GPRIN1: variants seen among roughly 807,000 people sequenced by gnomAD.
The protein encoded by GPRIN1 is G protein-regulated inducer of neurite outgrowth 1.
GPRIN1 carries 4 observed loss-of-function variants against 2.8 expected under a neutral mutation model. The ratio of observed to expected loss-of-function variants is 1.45; its 90% CI spans 0.71 to 3.32. The LOEUF is 3.32. Among genes scored for constraint, GPRIN1 ranks in the 30% most tolerant of loss-of-function variants. The pLI, the probability that GPRIN1 is intolerant of heterozygous loss-of-function variation, is 0.01. For missense variants in GPRIN1, 1,322 were observed against 1,343.4 expected (o/e 0.98, Z 0.25); for synonymous variants, 589 against 589.9 (o/e 1.00, Z 0.02).
rs1430242517 is a variant in GPRIN1 at position 176,598,426 on chromosome 5, C to T, written c.1409G>A (p.Gly470Glu). 1.2e-6 allele frequency: 2 copies of T among 1,614,084 alleles called. No homozygotes were observed. The highest frequency in any genetic ancestry group is 1.1e-5 in the South Asian group (1 of 91,078). Residue 470 changes from glycine (G) to glutamate (E), a missense_variant, in exon 2 of 2, where the codon GGA becomes GAA. Gly to Glu is a moderately conservative substitution (Grantham distance 98, BLOSUM62 -2). Around this residue, in one of 3 missense-constraint regions of GPRIN1, gnomAD observed 1,117 missense variants for 1,128.6 expected, o/e 0.99. Transcript: ENST00000303991. Reference protein sequence around the residue: ...SSRREDPISAGSRKTSSEKVN... With the variant: ...SSRREDPISAESRKTSSEKVN... ...TTTTTCAGATGATGTCTTTCTACTT[C>T]CAGCAGATATGGGGTCCTCCCTTCT...
chr5:176,599,204 G>T lies in GPRIN1; in HGVS notation c.631C>A (p.Leu211Ile), dbSNP rs1198013561. Residue 211 changes from leucine to isoleucine, a missense_variant, in exon 2 of 2, where the codon CTT becomes ATT. Transcript: ENST00000303991. ...GGATCTACTTTTCCCAGGGATCCAAGATCTTCCTTTCTTACAGTCATGGGA... is the reference window on the plus strand; with the variant it reads ...GGATCTACTTTTCCCAGGGATCCAATATCTTCCTTTCTTACAGTCATGGGA... ...MDPMTVRKED[L>I]GSLGKVDPLC... 1 of 1,613,910 alleles carries T rather than the reference G, an allele frequency of 6.2e-7. No homozygotes were observed. Among genetic ancestry groups the T allele is most frequent in the Non-Finnish European group, 8.5e-7 (1 of 1,179,994 alleles).
intron 1 of GPRIN1, 44 bp from the exon 2 acceptor site, chr5:176,599,921 G>A (rs756591674): frequency 1.9e-5 from 24 of 1,243,938 alleles, no homozygotes; most frequent in Non-Finnish European, 2.4e-5. Flanking sequence ...AAAGCTCAGT[G>A]GGGGAGGAGA....
intron 1 of GPRIN1, among the ~76,000 whole-genome samples, 196 bp from the exon 2 acceptor site, chr5:176,600,073 T>C (rs1308426715): frequency 2.6e-5 from 4 of 152,186 alleles, no homozygotes; most frequent in Admixed American, 2.0e-4. Flanking sequence ...AAAGACGTCT[T>C]ACAAGGCATT....
Position 176,596,780 on chromosome 5 carries a change from A to C in GPRIN1, c.*28T>G. The C allele has an allele frequency of 7.1e-7, 1 of 1,409,508 alleles. No homozygotes were observed. The highest frequency in any genetic ancestry group is 9.2e-7 in the Non-Finnish European group (1 of 1,082,114). 87.3% of individuals were successfully genotyped at this position (1,409,508 alleles called of 1,614,324 possible). A position where few individuals can be genotyped will look rare whatever the true frequency, so the allele number is the denominator to read the frequency against. ...CAAGAAGGGAGCCTGAGAAGGTCGG[A>C]AACTCGGGCGTACAAAATGGGGGCA... On this transcript the variant is annotated 3_prime_UTR_variant, in exon 2 of 2. Transcript: ENST00000303991. This position sits in a 1 kb window ranked among gnomAD's most constrained non-coding sequence, Gnocchi z 5.2.
rs778896897 is a variant in GPRIN1 at position 176,597,604 on chromosome 5, C to T, written c.2231G>A (p.Ser744Asn). Reference sequence around the variant, plus strand: ...GGCCTTCGGCTCCACGCGGCCTTCACTGCCCCTGGCACCCTCGGGAGACCG... The same window carrying T: ...GGCCTTCGGCTCCACGCGGCCTTCATTGCCCCTGGCACCCTCGGGAGACCG... ...SARSPEGARGSEGRVEPKAEP... is the reference protein window; with the variant it reads ...SARSPEGARGNEGRVEPKAEP... The change falls in exon 2 of 2, where the codon AGT becomes AAT. Residue 744 changes from serine (S) to asparagine (N), a missense_variant. Ser to Asn is a conservative substitution (Grantham distance 46, BLOSUM62 1). Around this residue, in one of 3 missense-constraint regions of GPRIN1, gnomAD observed 1,117 missense variants for 1,128.6 expected, o/e 0.99. Transcript: ENST00000303991. The surrounding 1 kb of genome is among the most constrained non-coding windows in gnomAD (Gnocchi z 6.1). 3.1e-6 allele frequency: 5 copies of T among 1,599,700 alleles called. No homozygotes were observed. The highest frequency in any genetic ancestry group is 4.5e-5 in the East Asian group (2 of 44,772).
At position 176,597,326 on chromosome 5, in the gene GPRIN1, C is replaced by T. The variant is rs966795267; in HGVS notation, c.2509G>A (p.Gly837Ser). The T allele has an allele frequency of 8.1e-6, 10 of 1,242,074 alleles. No individual in the cohort carries two copies. The highest frequency in any genetic ancestry group is 1.0e-5 in the Non-Finnish European group (10 of 995,158). 76.9% of individuals were successfully genotyped at this position (1,242,074 alleles called of 1,614,324 possible). Residue 837 changes from glycine to serine, a missense_variant, in exon 2 of 2, where the codon GGC becomes AGC. Coordinates refer to ENST00000303991, the MANE Select transcript of GPRIN1 (RefSeq NM_052899.3). The surrounding 1 kb of genome is among the most constrained non-coding windows in gnomAD (Gnocchi z 6.1). Reference sequence around the variant, plus strand: ...GCCGCCTGGAAGCTGAAGGCCGAGCCCCCAGCGCCGTCCTGCGGAGACATG... The same window carrying T: ...GCCGCCTGGAAGCTGAAGGCCGAGCTCCCAGCGCCGTCCTGCGGAGACATG... ...SPMSPQDGAG[G>S]SAFSFQAAPR...
rs562222115 is a variant in GPRIN1 at position 176,602,383 on chromosome 5, T to G, written c.-43-2506A>C. ...GCTTATTGCTTGTGGTGTGTTGCTCTCATTAAAATGCCAGCTCCAGGAGGT... is the reference window on the plus strand; with the variant it reads ...GCTTATTGCTTGTGGTGTGTTGCTCGCATTAAAATGCCAGCTCCAGGAGGT... On this transcript the variant is annotated intron_variant, in intron 1 of 1. Coordinates refer to ENST00000303991, the MANE Select transcript of GPRIN1 (RefSeq NM_052899.3). The surrounding 1 kb of genome is among the most constrained non-coding windows in gnomAD (Gnocchi z 4.4). Among the ~76,000 whole-genome samples, 306 of 152,224 alleles carry G rather than the reference T, an allele frequency of 2.0e-3. 1 individual carries two copies. The highest frequency in any genetic ancestry group is 6.9e-3 in the African/African-American group (288 of 41,522).
chr5:176,600,566 T>C (rs1327159906), intron 1 of GPRIN1, among the ~76,000 whole-genome samples: 2 of 152,084 alleles, frequency 1.3e-5, no homozygotes, highest in African/African-American at 2.4e-5. Context: ...GTGGGTTAGG[T>C]ATAAGACAAA....
Position 176,596,915 on chromosome 5 carries a change from C to G in GPRIN1, c.2920G>C (p.Ala974Pro). The part of the protein sequence containing the change: ...GPGRSGSVRT[A>P]PPDGAAKRPP... ...CGCTTGGCGGCGCCATCTGGGGGCG[C>G]GGTGCGCACCGAGCCCGAACGGCCG... The change falls in exon 2 of 2, where the codon GCG (alanine) becomes CCG (proline). Residue 974 changes from alanine (A) to proline (P), a missense_variant. Ala to Pro is a conservative substitution (Grantham distance 27). Transcript: ENST00000303991. The surrounding 1 kb of genome is among the most constrained non-coding windows in gnomAD (Gnocchi z 5.2). 1 of 1,206,756 alleles carries G rather than the reference C, an allele frequency of 8.3e-7. No homozygotes were observed. The highest frequency in any genetic ancestry group is 1.0e-6 in the Non-Finnish European group (1 of 972,354). 74.8% of individuals were successfully genotyped at this position (1,206,756 alleles called of 1,614,324 possible).
In GPRIN1 at chr5:176,597,929, C is replaced by T. The variant is rs758445328; in HGVS notation, c.1906G>A (p.Gly636Ser). The change falls in exon 2 of 2, where the codon GGC becomes AGC. Residue 636 changes from glycine (G) to serine (S), a missense_variant. Around this residue, in one of 3 missense-constraint regions of GPRIN1, gnomAD observed 1,117 missense variants for 1,128.6 expected, o/e 0.99. Transcript: ENST00000303991. The surrounding 1 kb of genome is among the most constrained non-coding windows in gnomAD (Gnocchi z 6.1). ...CCAGGGAGCTTTGTTTCTGCTTTGCCACCAGACTGCGGCTGTGCTTTCCCC... is the reference window on the plus strand; with the variant it reads ...CCAGGGAGCTTTGTTTCTGCTTTGCTACCAGACTGCGGCTGTGCTTTCCCC... ...ASGKAQPQSG[G>S]KAETKLPGQE... The T allele has an allele frequency of 1.2e-6, 2 of 1,613,996 alleles. No individual in the cohort carries two copies. The highest frequency in any genetic ancestry group is 3.3e-5 in the Admixed American group (2 of 60,026).
chr5:176,597,056 C>G lies in GPRIN1; in HGVS notation c.2779G>C (p.Ala927Pro). ...CCCAGCACCTCCACCTCCATGGCGG[C>G]GCCGTATACCTCCCACGTCATGCCC... ...EKGMTWEVYG[A>P]AMEVEVLGMA... The change falls in exon 2 of 2, where the codon GCC (alanine) becomes CCC (proline). Residue 927 changes from alanine (A) to proline (P), a missense_variant. By Grantham distance (27) the Ala-to-Pro change is conservative. Around this residue, in one of 3 missense-constraint regions of GPRIN1, gnomAD observed 196 missense variants for 189.2 expected, o/e 1.04. Transcript: ENST00000303991. The surrounding 1 kb of genome is among the most constrained non-coding windows in gnomAD (Gnocchi z 6.1). 6.6e-7 allele frequency: 1 copy of G among 1,507,502 alleles called. No homozygotes were observed. 93.4% of individuals were successfully genotyped at this position (1,507,502 alleles called of 1,614,324 possible).
Position 176,610,066 on chromosome 5 carries a change from GCCC to G in GPRIN1, c.-114_-112del, listed in dbSNP as rs528653654. The G allele has an allele frequency of 1.8e-3, 269 of 153,312 alleles. 2 individuals carry two copies. Among genetic ancestry groups the G allele is most frequent in the African/African-American group, 5.9e-3 (245 of 41,184 alleles). 9.5% of individuals were successfully genotyped at this position (153,312 alleles called of 1,614,324 possible). A position where few individuals can be genotyped will look rare whatever the true frequency, so the allele number is the denominator to read the frequency against. The stretch of plus-strand genomic sequence containing the variant: ...GGCTCCCGCCGCCGCCGCCGCCGCC[GCCC>G]GAGCGGCCTCGGCTGCCTCCGGCCG... On this transcript the variant is annotated 5_prime_UTR_variant, in exon 1 of 2. Transcript: ENST00000303991.
At chr5:176,601,151 T>C (rs1759143886) in intron 1 of GPRIN1, among the ~76,000 whole-genome samples, 1 of 152,072 alleles carries the variant, frequency 6.6e-6, no homozygotes, top group East Asian at 1.9e-4. Context: ...TTTATGTCTA[T>C]GTAGGCCCTG....
chr5:176,603,764 C>G (rs1759182434), intron 1 of GPRIN1, among the ~76,000 whole-genome samples: 2 of 152,180 alleles, frequency 1.3e-5, no homozygotes, highest in South Asian at 2.1e-4. Context: ...GGTCACCAGC[C>G]TGCAGGGGTC....
rs977084307 is a variant in GPRIN1, at chr5:176,598,251, A to G, written c.1584T>C (p.Gly528=). Residue 528 remains glycine, a synonymous_variant, in exon 2 of 2, where the codon GGT becomes GGC. Transcript: ENST00000303991. ...GAGCCGCCTTTCCAGAGGCCACCAGACCTGCCTTCTCCGAGGACAGGGGAT... is the reference window on the plus strand; with the variant it reads ...GAGCCGCCTTTCCAGAGGCCACCAGGCCTGCCTTCTCCGAGGACAGGGGAT... ...KGDPLSSEKA[G]LVASGKAAPT... The G allele has an allele frequency of 5.6e-6, 9 of 1,612,660 alleles. No individual in the cohort carries two copies. Among genetic ancestry groups the G allele is most frequent in the Non-Finnish European group, 6.8e-6 (8 of 1,179,810 alleles).
At chr5:176,609,701 G>A (rs1052655404) in intron 1 of GPRIN1, among the ~76,000 whole-genome samples, 2 of 151,996 alleles carry the variant, frequency 1.3e-5, no homozygotes, top group Non-Finnish European at 2.9e-5. Context: ...CCGGGCGCGG[G>A]GCCGACCCCA....
At position 176,599,831 on chromosome 5, in the gene GPRIN1, C is replaced by A; in HGVS notation, c.4G>T (p.Asp2Tyr). Residue 2 changes from aspartate (D) to tyrosine (Y), a missense_variant, in exon 2 of 2, where the codon GAC (aspartate) becomes TAC (tyrosine). By Grantham distance (160) the Asp-to-Tyr change is radical (BLOSUM62 -3). This residue lies in a region of GPRIN1 where 1,117 missense variants were observed against 1,128.6 expected (regional missense o/e 0.99). Coordinates refer to ENST00000303991, the MANE Select transcript of GPRIN1 (RefSeq NM_052899.3). M[D>Y]TAEDPAWLQL... ...AGCCAGGCCGGGTCTTCAGCAGTGTCCATCTGCCCTCATGACCACGCCTGC... is the reference window on the plus strand; with the variant it reads ...AGCCAGGCCGGGTCTTCAGCAGTGTACATCTGCCCTCATGACCACGCCTGC... 1 of 1,471,926 alleles carries A rather than the reference C, an allele frequency of 6.8e-7. No individual in the cohort carries two copies. The highest frequency in any genetic ancestry group is 1.6e-5 in the South Asian group (1 of 64,444). 91.2% of individuals were successfully genotyped at this position (1,471,926 alleles called of 1,614,324 possible).
At chr5:176,600,062 T>C (rs1424361134) in intron 1 of GPRIN1, among the ~76,000 whole-genome samples, 185 bp from the exon 2 acceptor site, 1 of 152,214 alleles carries the variant, frequency 6.6e-6, no homozygotes, top group African/African-American at 2.4e-5. Flanking sequence ...GCCCTCTGTA[T>C]AAAGACGTCT....
Position 176,597,295 on chromosome 5 carries a change from C to G in GPRIN1, c.2540G>C (p.Arg847Pro). ...GSAFSFQAAPRAPSPPSRRDA... is the reference protein window; with the variant it reads ...GSAFSFQAAPPAPSPPSRRDA... ...TCGGCGCGAGGGCGGGCTGGGCGCG[C>G]GCGGCGCCGCCTGGAAGCTGAAGGC... Residue 847 changes from arginine to proline, a missense_variant, in exon 2 of 2, where the codon CGC becomes CCC. Physicochemically the swap from Arg to Pro is moderately radical, Grantham distance 103. Transcript: ENST00000303991. This position sits in a 1 kb window ranked among gnomAD's most constrained non-coding sequence, Gnocchi z 6.1. 1 of 1,233,758 alleles carries G rather than the reference C, an allele frequency of 8.1e-7. No individual in the cohort carries two copies. The highest frequency in any genetic ancestry group is 1.0e-6 in the Non-Finnish European group (1 of 990,432). The allele number at this position is 1,233,758 out of a possible 1,614,324, so 76.4% of individuals were successfully genotyped here.
Sources: allele counts gnomAD v4.1 joint callset (sites outside exome capture counted in the v4.1 genomes callset), GRCh38; gene constraint gnomAD v4.1.1; regional missense constraint gnomAD v4.1.1; non-coding constraint Gnocchi (gnomAD v3.1); transcripts MANE v1.5; gene names NCBI Gene and HGNC (gene_info 2026-07-23, HGNC 2026-07-21).